PPP6R1: variants seen among roughly 807,000 people sequenced by gnomAD.
PPP6R1 encodes serine/threonine-protein phosphatase 6 regulatory subunit 1.
PPP6R1 carries 39 observed loss-of-function variants against 104.6 expected under a neutral mutation model. The observed-to-expected ratio is 0.37, with a 90% CI of 0.29 to 0.49. The LOEUF is 0.49. Ranked by LOEUF, PPP6R1 falls within the 20% of genes least tolerant of loss-of-function variation. PPP6R1 has a pLI of 0.98. For synonymous variants in PPP6R1, 549 were observed against 479.0 expected (o/e 1.15, Z -1.91); for missense variants, 1,181 against 1,155.8 (o/e 1.02, Z -0.32).
Position 55,230,371 on chromosome 19 carries a change from G to T in PPP6R1, c.*157C>A. 1 of 1,146,708 alleles carries T rather than the reference G, an allele frequency of 8.7e-7. No individual in the cohort carries two copies. Among genetic ancestry groups the T allele is most frequent in the Non-Finnish European group, 1.2e-6 (1 of 808,172 alleles). 71.0% of individuals were successfully genotyped at this position (1,146,708 alleles called of 1,614,324 possible). A position where few individuals can be genotyped will look rare whatever the true frequency, so the allele number is the denominator to read the frequency against. Reference sequence around the variant, plus strand: ...GTGCAAATGGGGGTGGGTTGGGCCTGTCTCCCTGGCACCAGCCTCCTGGGG... The same window carrying T: ...GTGCAAATGGGGGTGGGTTGGGCCTTTCTCCCTGGCACCAGCCTCCTGGGG... On this transcript the variant is annotated 3_prime_UTR_variant, in exon 24 of 24. Coordinates refer to ENST00000412770, the MANE Select transcript of PPP6R1 (RefSeq NM_014931.4).
downstream of PPP6R1, chr19:55,228,734 G>A: frequency 6.2e-7 from 1 of 1,613,354 alleles, no homozygotes; most frequent in Non-Finnish European, 8.5e-7. Context: ...CGCTTTGCCA[G>A]CGTCCATGCT....
At position 55,239,538 on chromosome 19, in the gene PPP6R1, G is replaced by A. The variant is rs376476762; in HGVS notation, c.1654-36C>T. On this transcript the variant is annotated intron_variant, in intron 14 of 23. Coordinates refer to ENST00000412770, the MANE Select transcript of PPP6R1 (RefSeq NM_014931.4). ...GCGGAGGTTAGGGCTGGAGGGAGTT[G>A]GGCAGGACCCCACTCCAGCATAGCC... The A allele has an allele frequency of 3.1e-6, 5 of 1,610,402 alleles. 1 individual carries two copies. The highest frequency in any genetic ancestry group is 2.2e-5 in the South Asian group (2 of 90,802).
chr19:55,234,313 C>T (rs2087375396), intron 17 of PPP6R1, among the ~76,000 whole-genome samples: 1 of 152,154 alleles, frequency 6.6e-6, no homozygotes, highest in South Asian at 2.1e-4. Context: ...TGGATAAAAA[C>T]AACACACAGA....
At chr19:55,239,763 G>A (rs2087433479) in intron 13 of PPP6R1, 63 bp downstream of exon 13, 16 of 1,592,576 alleles carry the variant, frequency 1.0e-5, no homozygotes, top group Admixed American at 3.5e-5. Flanking sequence ...GCGGTGGGAG[G>A]CTAAGACTGG....
chr19:55,228,813 G>A (rs574353392), downstream of PPP6R1: 1 of 1,501,252 alleles, frequency 6.7e-7, no homozygotes, highest in African/African-American at 1.4e-5. Context: ...GAGGGCTCAT[G>A]GTTACACGTT....
rs2087329206 is a variant in PPP6R1, at chr19:55,230,418, G to T, written c.*110C>A. ...GGGGGTCCAGAGGAGAGAATGTGGG[G>T]GTGTCAGGGTGATGAGGGCAATGGG... is the stretch of plus-strand genomic sequence containing the variant. On this transcript the variant is annotated 3_prime_UTR_variant, in exon 24 of 24. Coordinates refer to ENST00000412770, the MANE Select transcript of PPP6R1 (RefSeq NM_014931.4). 6.7e-7 allele frequency: 1 copy of T among 1,488,842 alleles called. No individual in the cohort carries two copies. The highest frequency in any genetic ancestry group is 9.2e-7 in the Non-Finnish European group (1 of 1,085,452). 92.2% of individuals were successfully genotyped at this position (1,488,842 alleles called of 1,614,324 possible).
chr19:55,240,352 G>T lies in PPP6R1; in HGVS notation c.1297-52C>A, dbSNP rs1185601744. 7 of 1,533,028 alleles carry T rather than the reference G, an allele frequency of 4.6e-6. No homozygotes were observed. In the African/African-American group the frequency reaches 5.5e-5, roughly 12 times the overall value. The allele number at this position is 1,533,028 out of a possible 1,614,324, so 95.0% of individuals were successfully genotyped here. ...TGGAGGGGTGGTCTGCACACATGTG[G>T]GGAGCTCTGCACTGCAGCAGGGGTC... On this transcript the variant is annotated intron_variant, in intron 10 of 23. Transcript: ENST00000412770.
intron 5 of PPP6R1, among the ~76,000 whole-genome samples, chr19:55,243,998 C>A (rs2087483640): frequency 6.6e-6 from 1 of 152,126 alleles, no homozygotes; most frequent in Non-Finnish European, 1.5e-5. Flanking sequence ...CTTTGAATAC[C>A]CTAAAAGCGC....
At chr19:55,235,704 G>C (rs1217582548) in intron 17 of PPP6R1, among the ~76,000 whole-genome samples, 2 of 151,694 alleles carry the variant, frequency 1.3e-5, no homozygotes, top group Non-Finnish European at 2.9e-5. Context: ...ATTTTTAGTA[G>C]AGACGGGGTT....
chr19:55,247,184 G>A, intron 1 of PPP6R1, 75 bp from the exon 2 acceptor site: 1 of 1,460,654 alleles, frequency 6.8e-7, no homozygotes. Flanking sequence ...CTGACCACAG[G>A]GGCTGAGTGC....
At position 55,239,375 on chromosome 19, in the gene PPP6R1, G is replaced by A. The variant is rs571685323; in HGVS notation, c.1751+30C>T. On this transcript the variant is annotated intron_variant, in intron 15 of 23. Coordinates refer to ENST00000412770, the MANE Select transcript of PPP6R1 (RefSeq NM_014931.4). ...CGCCTGCTGCTGCAGAGGCAGGACA[G>A]GGCTGTGACCCTGCGCAGGAGACAC... 8 of 1,588,078 alleles carry A rather than the reference G, an allele frequency of 5.0e-6. No individual in the cohort carries two copies. In the East Asian group the frequency reaches 1.8e-4, roughly 36 times the overall value.
chr19:55,240,193 G>A (rs1416579874), intron 11 of PPP6R1, 43 bp downstream of exon 11: 1 of 1,567,612 alleles, frequency 6.4e-7, no homozygotes, highest in Non-Finnish European at 8.6e-7. Flanking sequence ...CCCCATCCAG[G>A]CAGCCCCAGC....
intron 15 of PPP6R1, among the ~76,000 whole-genome samples, chr19:55,237,767 G>A (rs1466110865): frequency 6.6e-6 from 1 of 152,190 alleles, no homozygotes; most frequent in African/African-American, 2.4e-5. Flanking sequence ...GCACACAGTG[G>A]GTCTAGGGCA....
At chr19:55,228,313 C>G (rs762616133), downstream of PPP6R1, 6 of 1,613,820 alleles carry the variant, frequency 3.7e-6, no homozygotes, top group Non-Finnish European at 3.4e-6. Flanking sequence ...CCCAGCCAGG[C>G]AGAGGACGGG....
intron 21 of PPP6R1, 99 bp downstream of exon 21, chr19:55,231,311 G>A (rs1219749929): frequency 6.6e-6 from 9 of 1,372,296 alleles, no homozygotes; most frequent in East Asian, 2.5e-5. Flanking sequence ...TGCAAAGGAG[G>A]CCTGGAGCAG....
At chr19:55,228,861 C>A (rs1203655738), downstream of PPP6R1, 1 of 1,010,312 alleles carries the variant, frequency 9.9e-7, no homozygotes, top group Non-Finnish European at 1.5e-6. Flanking sequence ...TGACTGATAA[C>A]AGGGCCCAGG....
At chr19:55,228,907 G>A (rs2087311895), downstream of PPP6R1, 2 of 677,300 alleles carry the variant, frequency 3.0e-6, no homozygotes, top group South Asian at 1.8e-5. Flanking sequence ...GGCCCTGCCT[G>A]GCGCCCGCTG....
At chr19:55,249,404 G>A (rs1300016137) in intron 1 of PPP6R1, among the ~76,000 whole-genome samples, 1 of 152,124 alleles carries the variant, frequency 6.6e-6, no homozygotes, top group Non-Finnish European at 1.5e-5. Context: ...ACCACACCCG[G>A]CTAATTTTTC....
At chr19:55,251,371 AG>A (rs373886210) in intron 1 of PPP6R1, among the ~76,000 whole-genome samples, 4 of 152,274 alleles carry the variant, frequency 2.6e-5, no homozygotes, top group African/African-American at 9.6e-5. Context: ...CATTTTCACA[AG>A]GCCCCAGCTC....
Sources: allele counts gnomAD v4.1 joint callset (sites outside exome capture counted in the v4.1 genomes callset), GRCh38; gene constraint gnomAD v4.1.1; transcripts MANE v1.5; gene names NCBI Gene and HGNC (gene_info 2026-07-23, HGNC 2026-07-21).